Variants in TSPAN9 observed in about 807,000 individuals in gnomAD.
TSPAN9 encodes the protein tetraspanin 9, also known as tetraspanin-9.
A neutral mutation model predicts 31.0 loss-of-function variants in TSPAN9; 16 were observed. The ratio of observed to expected loss-of-function variants is 0.52; its 90% CI spans 0.35 to 0.78. The LOEUF (loss-of-function observed/expected upper bound fraction) is 0.78. Among genes scored for constraint, TSPAN9 ranks in the 30% least tolerant of loss-of-function variants. The pLI is 0.01. For synonymous variants in TSPAN9, 145 were observed against 121.6 expected, an observed-to-expected ratio of 1.19 and a Z score of -1.27; for missense variants, 272 against 312.5, an observed-to-expected ratio of 0.87 and a Z score of 0.98.
chr12:3,137,938 G>A (rs1285558473), intron 2 of TSPAN9, among the ~76,000 whole-genome samples: 1 of 152,180 alleles, frequency 6.6e-6, no homozygotes, highest in Non-Finnish European at 1.5e-5. Context: ...CCTTAAACAG[G>A]GGCTGCTGCT....
At chr12:3,164,959 G>C (rs11832275) in intron 2 of TSPAN9, among the ~76,000 whole-genome samples, 6,712 of 152,250 alleles carry the variant, frequency 0.044, 492 homozygotes, top group African/African-American at 0.15. Flanking sequence ...GGGCTTCTCA[G>C]GTCCCTTCAA....
chr12:3,176,028 C>T (rs560637363), intron 2 of TSPAN9, among the ~76,000 whole-genome samples: 39 of 152,304 alleles, frequency 2.6e-4, no homozygotes, highest in African/African-American at 8.4e-4. Flanking sequence ...TGAAGAGCCA[C>T]GGGAATGAGA....
At chr12:3,223,492 T>G (rs1445166314) in intron 3 of TSPAN9, among the ~76,000 whole-genome samples, 3 of 152,234 alleles carry the variant, frequency 2.0e-5, no homozygotes, top group Non-Finnish European at 2.9e-5. Flanking sequence ...TCTATGCCGT[T>G]TGCTGCAAGG....
intron 3 of TSPAN9, among the ~76,000 whole-genome samples, chr12:3,204,389 A>G (rs1399134549): frequency 2.0e-5 from 3 of 152,154 alleles, no homozygotes; most frequent in Non-Finnish European, 4.4e-5. Flanking sequence ...CTTCTAGGGT[A>G]CTAGTATTGG....
chr12:3,136,458 G>C (rs375931614), intron 2 of TSPAN9, among the ~76,000 whole-genome samples: 1 of 152,196 alleles, frequency 6.6e-6, no homozygotes, highest in African/African-American at 2.4e-5. Flanking sequence ...GGTACTGGGG[G>C]ATCCTCTTTT....
chr12:3,275,243 C>A (rs73256368), intron 3 of TSPAN9, among the ~76,000 whole-genome samples: 11,311 of 152,272 alleles, frequency 0.074, 1,019 homozygotes, highest in East Asian at 0.37. Context: ...AGGGGCCCCC[C>A]GCTGCAGGTA....
Position 3,102,498 on chromosome 12 carries a change from G to C in TSPAN9, c.-18+18779G>C, listed in dbSNP as rs564943432. On this transcript the variant is annotated intron_variant, in intron 2 of 8. Coordinates refer to ENST00000011898, the MANE Select transcript of TSPAN9 (RefSeq NM_006675.5). ...CACCTAGGCTGGAGTGCAGTGGCGC[G>C]ATCTCAGCTCACTACAAGCTCCGCC... Among the ~76,000 whole-genome samples, 5 of 149,020 alleles carry C rather than the reference G, an allele frequency of 3.4e-5. No individual in the cohort carries two copies. The East Asian group carries it at 9.9e-4, about 30-fold the overall frequency.
intron 2 of TSPAN9, among the ~76,000 whole-genome samples, chr12:3,189,714 C>CTG (rs2098363315): frequency 1.3e-5 from 2 of 152,198 alleles, no homozygotes. Context: ...TTCAGACGGG[C>CTG]TGGATGCCTT....
intron 3 of TSPAN9, among the ~76,000 whole-genome samples, chr12:3,259,919 G>C (rs1862416547): frequency 6.6e-6 from 1 of 152,268 alleles, no homozygotes; most frequent in Non-Finnish European, 1.5e-5. Flanking sequence ...TGATAGCAGT[G>C]TAGCAGTGGA....
At chr12:3,252,736 G>A (rs953607602) in intron 3 of TSPAN9, among the ~76,000 whole-genome samples, 1 of 152,236 alleles carries the variant, frequency 6.6e-6, no homozygotes, top group Non-Finnish European at 1.5e-5. Flanking sequence ...CATCCGTGTG[G>A]CCTATTTTAA....
rs183328153 is a variant in TSPAN9 at position 3,224,724 on chromosome 12, A to G, written c.63+23468A>G. Among the ~76,000 whole-genome samples the G allele has an allele frequency of 2.5e-3, 387 of 152,310 alleles. 1 individual carries two copies. Among genetic ancestry groups the G allele is most frequent in the African/African-American group, 8.8e-3 (366 of 41,578 alleles). On this transcript the variant is annotated intron_variant, in intron 3 of 8. Transcript: ENST00000011898. ...CGTACTGCGCCAGGGTGGCCGCGTGATGGGCGGGGGTAATGACAGCTGTCG... is the reference window on the plus strand; with the variant it reads ...CGTACTGCGCCAGGGTGGCCGCGTGGTGGGCGGGGGTAATGACAGCTGTCG...
chr12:3,222,868 C>T (rs1464241562), intron 3 of TSPAN9, among the ~76,000 whole-genome samples: 1 of 152,136 alleles, frequency 6.6e-6, no homozygotes, highest in African/African-American at 2.4e-5. Flanking sequence ...ATCCTCACAG[C>T]AGGTTTGTCC....
chr12:3,095,957 C>T (rs562521536), intron 2 of TSPAN9, among the ~76,000 whole-genome samples: 2,100 of 150,192 alleles, frequency 0.014, 42 homozygotes, highest in African/African-American at 0.048. Flanking sequence ...AGGCTGCAAT[C>T]TCGGCACTTT....
intron 3 of TSPAN9, among the ~76,000 whole-genome samples, chr12:3,203,339 ATG>A (rs2098373093): frequency 6.6e-6 from 1 of 152,162 alleles, no homozygotes; most frequent in Non-Finnish European, 1.5e-5. Flanking sequence ...AATCCACAAC[ATG>A]TTGTCATGTG....
In TSPAN9 at chr12:3,170,399, T is replaced by C. The variant is rs2153970205; in HGVS notation, c.-17-30778T>C. ...AGCTTGCTCCAGATAGCATGTAGCA[T>C]AGGATTCCACATGTAATATACATCT... On this transcript the variant is annotated intron_variant, in intron 2 of 8. Transcript: ENST00000011898. This position sits in a 1 kb window ranked among gnomAD's most constrained non-coding sequence, Gnocchi z 4.4. 6.6e-6 allele frequency among the ~76,000 whole-genome samples: 1 copy of C among 152,302 alleles called. No individual in the cohort carries two copies. The highest frequency in any genetic ancestry group is 1.9e-4 in the East Asian group (1 of 5,176).
intron 2 of TSPAN9, among the ~76,000 whole-genome samples, chr12:3,111,286 C>G (rs1390291003): frequency 6.6e-6 from 1 of 152,168 alleles, no homozygotes; most frequent in African/African-American, 2.4e-5. Context: ...ATGCCCGTCC[C>G]CTTTCGCCAG....
chr12:3,211,657 G>A lies in TSPAN9; in HGVS notation c.63+10401G>A, dbSNP rs1225553877. 5.7e-6 allele frequency: 8 copies of A among 1,409,516 alleles called. No individual in the cohort carries two copies. The Admixed American group carries it at 1.2e-4, about 21-fold the overall frequency. The allele number at this position is 1,409,516 out of a possible 1,614,324, so 87.3% of individuals were successfully genotyped here. ...GGTTTCCCACTCATCTTGACTCAGA[G>A]TGCTTTTAGTGCTGCTTCCTCCTGA... On this transcript the variant is annotated intron_variant, in intron 3 of 8. Transcript: ENST00000011898.
intron 2 of TSPAN9, among the ~76,000 whole-genome samples, chr12:3,141,998 A>G (rs976093546): frequency 6.6e-6 from 1 of 152,222 alleles, no homozygotes; most frequent in African/African-American, 2.4e-5. Flanking sequence ...CAGCAGGTGC[A>G]TAGCAAGGCT....
intron 2 of TSPAN9, among the ~76,000 whole-genome samples, chr12:3,152,704 C>T (rs1231502499): frequency 6.6e-6 from 1 of 152,160 alleles, no homozygotes; most frequent in African/African-American, 2.4e-5. Flanking sequence ...TCCCTGCCCC[C>T]GCCTCTCAAG....
Sources: gnomAD v4.1 joint callset for allele counts (sites outside exome capture counted in the v4.1 genomes callset) on GRCh38, gnomAD v4.1.1 for gene constraint, Gnocchi (gnomAD v3.1) non-coding constraint, MANE v1.5 for transcripts, NCBI Gene and HGNC (gene_info 2026-07-23, HGNC 2026-07-21) for gene names.